The following TMEFF2 variants were observed in gnomAD, a reference collection of about 807,000 sequenced individuals.
TMEFF2 encodes transmembrane protein with EGF like and two follistatin like domains 2.
TMEFF2 carries 28 observed loss-of-function variants against 53.8 expected under a neutral mutation model. The ratio of observed to expected loss-of-function variants is 0.52; its 90% CI spans 0.39 to 0.71. TMEFF2 has a LOEUF of 0.71. Ranked by LOEUF, TMEFF2 falls within the 30% of genes least tolerant of loss-of-function variation. The pLI, the probability that TMEFF2 is intolerant of heterozygous loss-of-function variation, is 0.00. For missense variants in TMEFF2, 353 were observed against 455.2 expected, an observed-to-expected ratio of 0.78 and a Z score of 2.04; for synonymous variants, 162 against 166.3, an observed-to-expected ratio of 0.97 and a Z score of 0.20.
chr2:192,182,307 A>G (rs779525993), intron 3 of TMEFF2, among the ~76,000 whole-genome samples: 1 of 151,946 alleles, frequency 6.6e-6, no homozygotes, highest in African/African-American at 2.4e-5. Context: ...ACCCCAATTT[A>G]TTTACAGTCA....
chr2:192,103,978 C>T (rs573423021), intron 4 of TMEFF2, among the ~76,000 whole-genome samples: 50 of 151,746 alleles, frequency 3.3e-4, no homozygotes, highest in South Asian at 2.9e-3. Flanking sequence ...GAAAAGCCAC[C>T]GGGAGTTTTG....
intron 5 of TMEFF2, among the ~76,000 whole-genome samples, chr2:192,006,964 A>G (rs1389155214): frequency 6.6e-6 from 1 of 152,166 alleles, no homozygotes; most frequent in Non-Finnish European, 1.5e-5. Flanking sequence ...TATAAGATTT[A>G]TTGTGACAAA....
intron 5 of TMEFF2, among the ~76,000 whole-genome samples, chr2:192,019,629 ATGT>A (rs949329838): frequency 6.6e-6 from 1 of 151,866 alleles, no homozygotes; most frequent in Non-Finnish European, 1.5e-5. Flanking sequence ...ACATTTTTAA[ATGT>A]TGTCTTTTTT....
At chr2:192,040,665 T>C (rs1262093683) in intron 5 of TMEFF2, among the ~76,000 whole-genome samples, 1 of 152,140 alleles carries the variant, frequency 6.6e-6, no homozygotes, top group African/African-American at 2.4e-5. Context: ...TCTTCTGCTA[T>C]GATAGATGAT....
chr2:192,034,658 A>T (rs957002308), intron 5 of TMEFF2: 3 of 152,122 alleles, frequency 2.0e-5, no homozygotes, highest in Non-Finnish European at 4.4e-5. Flanking sequence ...AATTTTGGTT[A>T]TGATTGTCTC....
chr2:191,979,021 C>T (rs1685797069), intron 7 of TMEFF2, among the ~76,000 whole-genome samples: 1 of 152,078 alleles, frequency 6.6e-6, no homozygotes, highest in African/African-American at 2.4e-5. Context: ...GTACTCTGGT[C>T]TTCTGGAGGA....
At chr2:192,019,806 A>G (rs560829884) in intron 5 of TMEFF2, among the ~76,000 whole-genome samples, 3 of 152,140 alleles carry the variant, frequency 2.0e-5, no homozygotes, top group Non-Finnish European at 2.9e-5. Context: ...TATGTAAACT[A>G]TGTTCAAAAT....
intron 5 of TMEFF2, among the ~76,000 whole-genome samples, chr2:192,019,397 C>T (rs1686812069): frequency 6.6e-6 from 1 of 151,854 alleles, no homozygotes; most frequent in Non-Finnish European, 1.5e-5. Context: ...TAAGTAGTTG[C>T]TGATCTCACT....
chr2:192,099,810 T>C (rs1010840317), intron 4 of TMEFF2, among the ~76,000 whole-genome samples: 1 of 151,952 alleles, frequency 6.6e-6, no homozygotes, highest in African/African-American at 2.4e-5. Flanking sequence ...TTAGGAGTGA[T>C]GGCATATTTT....
intron 4 of TMEFF2, among the ~76,000 whole-genome samples, chr2:192,144,937 C>G (rs976364551): frequency 1.3e-5 from 2 of 151,520 alleles, no homozygotes; most frequent in African/African-American, 4.8e-5. Flanking sequence ...CTAACATTTT[C>G]AAAAAAATAC....
chr2:192,180,917 AT>A (rs1313240918), intron 3 of TMEFF2, among the ~76,000 whole-genome samples: 1 of 151,794 alleles, frequency 6.6e-6, no homozygotes, highest in Non-Finnish European at 1.5e-5. Context: ...GTCTAATACT[AT>A]TATATTAGAA....
chr2:192,153,835 G>C (rs1231139612), intron 4 of TMEFF2, among the ~76,000 whole-genome samples: 2 of 151,860 alleles, frequency 1.3e-5, no homozygotes, highest in African/African-American at 4.8e-5. Flanking sequence ...GGGATGAGAT[G>C]GCTGATGCCT....
chr2:192,136,476 A>C (rs1690010809), intron 4 of TMEFF2, among the ~76,000 whole-genome samples: 1 of 152,168 alleles, frequency 6.6e-6, no homozygotes, highest in Non-Finnish European at 1.5e-5. Context: ...ATTAGCACTT[A>C]CCTGTATTTT....
At chr2:192,111,862 T>C (rs574855477) in intron 4 of TMEFF2, among the ~76,000 whole-genome samples, 3 of 152,310 alleles carry the variant, frequency 2.0e-5, no homozygotes, top group South Asian at 4.1e-4. Context: ...AAGGTACAAA[T>C]TGGGCTGTGG....
intron 7 of TMEFF2, among the ~76,000 whole-genome samples, chr2:191,977,331 A>C (rs1453854858): frequency 6.6e-6 from 1 of 152,190 alleles, no homozygotes; most frequent in Non-Finnish European, 1.5e-5. Context: ...GGCGGCACCC[A>C]CTAACCATCA....
intron 5 of TMEFF2, among the ~76,000 whole-genome samples, chr2:192,037,637 G>C (rs1389847552): frequency 2.4e-4 from 5 of 21,274 alleles, no homozygotes; most frequent in African/African-American, 4.1e-4. Flanking sequence ...GAGAGAAAGA[G>C]AGAGAAAGAG....
intron 8 of TMEFF2, among the ~76,000 whole-genome samples, chr2:191,954,445 C>G (rs1465122286): frequency 6.6e-6 from 1 of 151,916 alleles, no homozygotes; most frequent in Non-Finnish European, 1.5e-5. Flanking sequence ...CCAGGAATGA[C>G]TGTTATTTCT....
chr2:192,162,696 T>G, intron 4 of TMEFF2, among the ~76,000 whole-genome samples: 1 of 152,058 alleles, frequency 6.6e-6, no homozygotes, highest in East Asian at 1.9e-4. Flanking sequence ...GAAAAAAAAT[T>G]GCAATTTACT....
intron 4 of TMEFF2, chr2:192,176,620 T>C (rs1338446604): frequency 6.6e-6 from 1 of 151,244 alleles, no homozygotes; most frequent in African/African-American, 2.4e-5. Context: ...GGTCAATGGT[T>C]GAAGATTTTA....
Sources: gnomAD v4.1 joint callset for allele counts (sites outside exome capture counted in the v4.1 genomes callset) on GRCh38, gnomAD v4.1.1 for gene constraint, MANE v1.5 for transcripts, NCBI Gene and HGNC (gene_info 2026-07-23, HGNC 2026-07-21) for gene names.